Variants in C19orf38 observed in about 807,000 individuals in gnomAD.
C19orf38 encodes chromosome 19 open reading frame 38.
C19orf38 carries 14 observed loss-of-function variants against 26.6 expected under a neutral mutation model. That is an observed-to-expected ratio of 0.53 (90% CI 0.35 to 0.82). The LOEUF is 0.82. Among genes scored for constraint, C19orf38 ranks in the 40% least tolerant of loss-of-function variants. The pLI, the probability that C19orf38 is intolerant of heterozygous loss-of-function variation, is 0.01. For synonymous variants in C19orf38, 132 were observed against 128.5 expected (o/e 1.03, Z -0.18); for missense variants, 261 against 299.5 (o/e 0.87, Z 0.95).
chr19:10,844,191 G>A (rs1011993776), upstream of C19orf38, among the ~76,000 whole-genome samples: 1 of 151,274 alleles, frequency 6.6e-6, no homozygotes, highest in African/African-American at 2.4e-5. Flanking sequence ...TAGATTACGA[G>A]GTCAGGAGTT....
chr19:10,838,558 C>T (rs1198631322), intron 1 of C19orf38, among the ~76,000 whole-genome samples: 2 of 152,238 alleles, frequency 1.3e-5, no homozygotes, highest in South Asian at 2.1e-4. Context: ...GATTCTGAAA[C>T]GGCCTCGTTG....
At chr19:10,859,202 G>T (rs2073662817) in intron 4 of C19orf38, among the ~76,000 whole-genome samples, 1 of 150,612 alleles carries the variant, frequency 6.6e-6, no homozygotes, top group South Asian at 2.1e-4. Flanking sequence ...CTCCCAAAGT[G>T]CTGGGATTAC....
At chr19:10,855,810 G>A (rs1339056478) in intron 2 of C19orf38, among the ~76,000 whole-genome samples, 2 of 152,162 alleles carry the variant, frequency 1.3e-5, no homozygotes, top group African/African-American at 4.8e-5. Context: ...TTACAGGCGT[G>A]AGCCACTGCG....
chr19:10,857,894 A>AAAGAAAGAAAGAAAG (rs2073646200), intron 3 of C19orf38, among the ~76,000 whole-genome samples: 3 of 142,404 alleles, frequency 2.1e-5, no homozygotes, highest in Non-Finnish European at 4.6e-5. Context: ...AAACAACAAA[A>AAAGAAAGAAAGAAAG]AAAGAAAGAA....
In C19orf38 at chr19:10,848,498, C is replaced by T. The variant is rs778511231; in HGVS notation, c.-11C>T. 10 of 1,551,648 alleles carry T rather than the reference C, an allele frequency of 6.4e-6. No homozygotes were observed. The highest frequency in any genetic ancestry group is 3.6e-5 in the South Asian group (3 of 84,060). ...GCCTCAGCCGGATTTCCCAGCCAAACGCAGAGAGAGATGCCCTGGACCATC... is the reference window on the plus strand; with the variant it reads ...GCCTCAGCCGGATTTCCCAGCCAAATGCAGAGAGAGATGCCCTGGACCATC... On this transcript the variant is annotated 5_prime_UTR_variant, in exon 1 of 7. The change creates a new upstream start codon in the 5' untranslated region. Coordinates refer to ENST00000397820, the MANE Select transcript of C19orf38 (RefSeq NM_001136482.3).
intron 1 of C19orf38, 132 bp from the exon 2 acceptor site, chr19:10,850,127 G>T: frequency 1.3e-6 from 1 of 798,822 alleles, no homozygotes; most frequent in South Asian, 1.9e-5. Context: ...GCAGTGTGGG[G>T]TAGGGTCACT....
At chr19:10,854,954 C>CTCTTCTG (rs2073608514) in intron 2 of C19orf38, among the ~76,000 whole-genome samples, 2 of 151,792 alleles carry the variant, frequency 1.3e-5, no homozygotes, top group South Asian at 4.1e-4. Context: ...TTCTCAGCTC[C>CTCTTCTG]TCTTCTGTCT....
At chr19:10,841,832 G>C in intron 1 of C19orf38, 1 of 1,339,706 alleles carries the variant, frequency 7.5e-7, no homozygotes, top group Non-Finnish European at 1.1e-6. Context: ...TAAAAAATTA[G>C]CTGGGCATGG....
intron 1 of C19orf38, among the ~76,000 whole-genome samples, chr19:10,842,875 C>T (rs1283564750): frequency 2.6e-5 from 4 of 152,238 alleles, no homozygotes; most frequent in Non-Finnish European, 5.9e-5. Flanking sequence ...ACTGGAGGCA[C>T]CCTGCCCACT....
chr19:10,868,250 C>T (rs746336736), intron 6 of C19orf38, among the ~76,000 whole-genome samples: 2 of 152,198 alleles, frequency 1.3e-5, no homozygotes, highest in Non-Finnish European at 2.9e-5. Context: ...AACACCCTTT[C>T]AGGTGGGATC....
chr19:10,847,004 T>A (rs2073523560), upstream of C19orf38, among the ~76,000 whole-genome samples: 1 of 152,198 alleles, frequency 6.6e-6, no homozygotes, highest in Admixed American at 6.6e-5. Flanking sequence ...GAACTTTCTG[T>A]GTCCAAAGAA....
At chr19:10,860,534 C>CAAAAAA (rs900601654) in intron 5 of C19orf38, among the ~76,000 whole-genome samples, 1 of 21,846 alleles carries the variant, frequency 4.6e-5, no homozygotes, top group African/African-American at 2.2e-4. Flanking sequence ...GACTCCATCT[C>CAAAAAA]AAAAAAAAAA....
chr19:10,863,375 G>C (rs1226894547), intron 6 of C19orf38, among the ~76,000 whole-genome samples, 168 bp downstream of exon 6: 3 of 152,156 alleles, frequency 2.0e-5, no homozygotes, highest in African/African-American at 7.2e-5. Context: ...TGAGCCGAGA[G>C]TTGGCTGTGA....
chr19:10,850,430 G>A lies in C19orf38; in HGVS notation c.203G>A (p.Arg68His), dbSNP rs746451180. 18 of 1,551,394 alleles carry A rather than the reference G, an allele frequency of 1.2e-5. No homozygotes were observed. The highest frequency in any genetic ancestry group is 5.9e-5 in the South Asian group (5 of 84,048). The change falls in exon 2 of 7, where the codon CGC (arginine) becomes CAC (histidine). Residue 68 changes from arginine to histidine, a missense_variant. Transcript: ENST00000397820. ...VQLLQAPTDQ[R>H]GVTFNLSGGS... is the part of the protein sequence containing the mutation. ...CTCCTGCAGGCCCCCACGGACCAGC[G>A]CGGGGTGACATTTAACCTGAGCGGC...
At chr19:10,849,747 C>T (rs1336793704) in intron 1 of C19orf38, among the ~76,000 whole-genome samples, 2 of 151,806 alleles carry the variant, frequency 1.3e-5, no homozygotes, top group African/African-American at 4.8e-5. Context: ...AGTTGTGTTG[C>T]TATGTAATAA....
intron 6 of C19orf38, among the ~76,000 whole-genome samples, chr19:10,866,232 C>T (rs1318096020): frequency 1.3e-5 from 2 of 149,308 alleles, no homozygotes; most frequent in Non-Finnish European, 3.0e-5. Flanking sequence ...GACGGACTCT[C>T]GCTCTGTCAC....
Position 10,850,248 on chromosome 19 carries a change from C to T in C19orf38, c.32-11C>T. 1 of 1,547,748 alleles carries T rather than the reference C, an allele frequency of 6.5e-7. No individual in the cohort carries two copies. Among genetic ancestry groups the T allele is most frequent in the Middle Eastern group, 2.2e-4 (1 of 4,534 alleles). On this transcript the variant is annotated splice_polypyrimidine_tract_variant and intron_variant, in intron 1 of 6. Transcript: ENST00000397820. ...ACCACGCACCCACCCACCTTACCCT[C>T]TGCATTGCAGGCTCCTTGGCGATCC...
In C19orf38 at chr19:10,850,121, T is replaced by G. The variant is rs528605885; in HGVS notation, c.32-138T>G. On this transcript the variant is annotated intron_variant, in intron 1 of 6. Coordinates refer to ENST00000397820, the MANE Select transcript of C19orf38 (RefSeq NM_001136482.3). ...GGAGCCGTCACCATGTGCCAGGCAG[T>G]GTGGGGTAGGGTCACTAGCCTCCTG... The G allele has an allele frequency of 1.3e-4, 97 of 751,566 alleles. No homozygotes were observed. The South Asian group carries it at 1.8e-3, about 14-fold the overall frequency. 46.6% of individuals were successfully genotyped at this position (751,566 alleles called of 1,614,324 possible).
At chr19:10,858,094 G>T (rs1423342732) in intron 3 of C19orf38, among the ~76,000 whole-genome samples, 1 of 151,062 alleles carries the variant, frequency 6.6e-6, no homozygotes, top group Non-Finnish European at 1.5e-5. Flanking sequence ...CTGGCCTGGT[G>T]ATGCACACTT....
Sources: gnomAD v4.1 joint callset for allele counts (sites outside exome capture counted in the v4.1 genomes callset) on GRCh38, gnomAD v4.1.1 for gene constraint, MANE v1.5 for transcripts, NCBI Gene and HGNC (gene_info 2026-07-23, HGNC 2026-07-21) for gene names.